GPC6: variants seen among roughly 807,000 people sequenced by gnomAD.
GPC6 encodes the protein glypican-6.
A neutral mutation model predicts 55.2 loss-of-function variants in GPC6; 14 were observed. That is an observed-to-expected ratio of 0.25 (90% confidence interval 0.17 to 0.40). The LOEUF is 0.40. GPC6 is among the 10% of genes least tolerant of loss of function. The probability of loss-of-function intolerance (pLI) is 1.00; values close to 1 mark genes in which losing one functional copy is unlikely to be tolerated. For synonymous variants in GPC6, 278 were observed against 259.6 expected, an observed-to-expected ratio of 1.07 and a Z score of -0.68; for missense variants, 641 against 708.5, an observed-to-expected ratio of 0.90 and a Z score of 1.08.
intron 1 of GPC6, among the ~76,000 whole-genome samples, chr13:93,278,364 A>G (rs1046245073): frequency 3.3e-4 from 51 of 152,328 alleles, no homozygotes; most frequent in African/African-American, 9.4e-4. Context: ...ATTGTTGTAC[A>G]GCTGACCTCC....
chr13:93,859,913 A>G (rs1375631979), intron 3 of GPC6, among the ~76,000 whole-genome samples: 1 of 151,678 alleles, frequency 6.6e-6, no homozygotes, highest in Non-Finnish European at 1.5e-5. Context: ...TCCCCTTAAC[A>G]TGGCCACAAG....
intron 1 of GPC6, among the ~76,000 whole-genome samples, chr13:93,383,154 C>T (rs1177619664): frequency 2.0e-5 from 3 of 152,182 alleles, no homozygotes; most frequent in Non-Finnish European, 4.4e-5. Context: ...GAAACAATAT[C>T]TCCAGTGCAT....
At chr13:93,314,089 G>T (rs1038722004) in intron 1 of GPC6, among the ~76,000 whole-genome samples, 1 of 152,126 alleles carries the variant, frequency 6.6e-6, no homozygotes, top group African/African-American at 2.4e-5. Flanking sequence ...TGGTTTTCCT[G>T]CCTCTAAGAT....
At chr13:93,324,306 T>A (rs1879563362) in intron 1 of GPC6, among the ~76,000 whole-genome samples, 1 of 151,810 alleles carries the variant, frequency 6.6e-6, no homozygotes, top group Non-Finnish European at 1.5e-5. Flanking sequence ...GGAATGGTAG[T>A]TTGCAGGGGG....
chr13:94,086,624 A>G (rs759358266), intron 4 of GPC6, among the ~76,000 whole-genome samples: 4 of 152,210 alleles, frequency 2.6e-5, no homozygotes, highest in Non-Finnish European at 5.9e-5. Context: ...CCACTTCCCA[A>G]CACAGCATTA....
At chr13:93,613,091 A>G (rs749003436) in intron 2 of GPC6, among the ~76,000 whole-genome samples, 2 of 152,174 alleles carry the variant, frequency 1.3e-5, no homozygotes, top group African/African-American at 4.8e-5. Flanking sequence ...ATGGCTTTCA[A>G]AGGAGCTGCC....
intron 1 of GPC6, among the ~76,000 whole-genome samples, chr13:93,398,071 A>G (rs779494425): frequency 2.6e-5 from 4 of 152,114 alleles, no homozygotes; most frequent in Non-Finnish European, 1.5e-5. Flanking sequence ...GCACTTTCAA[A>G]CTACATTTAG....
At chr13:93,715,697 G>A (rs932218747) in intron 2 of GPC6, among the ~76,000 whole-genome samples, 5 of 151,626 alleles carry the variant, frequency 3.3e-5, no homozygotes, top group African/African-American at 1.2e-4. Context: ...TAAGCTATGC[G>A]ATTATGAACC....
intron 2 of GPC6, among the ~76,000 whole-genome samples, chr13:93,582,240 T>C (rs1876973385): frequency 6.6e-6 from 1 of 152,124 alleles, no homozygotes; most frequent in Non-Finnish European, 1.5e-5. Context: ...CTTGATGCCA[T>C]GTTTGGTTAG....
In GPC6 at chr13:93,797,255, G is replaced by A. The variant is rs1003936048; in HGVS notation, c.320-32899G>A. The stretch of plus-strand genomic sequence containing the variant: ...TCCGGGTGATTAGATGTCACTGAAC[G>A]TTGTCACATTGTGTACCAAGGGTAA... On this transcript the variant is annotated intron_variant, in intron 2 of 8. Transcript: ENST00000377047. Among the ~76,000 whole-genome samples, 17 of 152,266 alleles carry A rather than the reference G, an allele frequency of 1.1e-4. No homozygotes were observed. In the East Asian group the frequency reaches 2.1e-3, roughly 19 times the overall value.
At chr13:93,390,286 G>T (rs1373249246) in intron 1 of GPC6, among the ~76,000 whole-genome samples, 1 of 152,126 alleles carries the variant, frequency 6.6e-6, no homozygotes, top group Admixed American at 6.6e-5. Context: ...GAGAAGGAAG[G>T]TCAAAGCACC....
chr13:94,181,295 T>C (rs1888984585), intron 4 of GPC6, among the ~76,000 whole-genome samples: 1 of 152,160 alleles, frequency 6.6e-6, no homozygotes, highest in Admixed American at 6.5e-5. Context: ...CCTACCAATA[T>C]TTGATGACAC....
chr13:94,181,695 T>C (rs1035937244), intron 4 of GPC6, among the ~76,000 whole-genome samples: 1 of 152,204 alleles, frequency 6.6e-6, no homozygotes, highest in Admixed American at 6.5e-5. Context: ...TTTGCAACTT[T>C]TAATTTCAGA....
At chr13:93,576,893 G>T (rs1436377837) in intron 2 of GPC6, among the ~76,000 whole-genome samples, 1 of 152,148 alleles carries the variant, frequency 6.6e-6, no homozygotes, top group Non-Finnish European at 1.5e-5. Context: ...AAGGACAAAA[G>T]ATTGCACTTA....
At chr13:94,397,500 C>T (rs913925858) in intron 7 of GPC6, among the ~76,000 whole-genome samples, 4 of 152,142 alleles carry the variant, frequency 2.6e-5, no homozygotes, top group Non-Finnish European at 4.4e-5. Context: ...TCTACCTAAT[C>T]GAACCCAAGA....
chr13:93,402,293 C>T (rs1239773091), intron 1 of GPC6, among the ~76,000 whole-genome samples: 2 of 152,042 alleles, frequency 1.3e-5, no homozygotes, highest in East Asian at 1.9e-4. Context: ...CTCCAAGTGC[C>T]GAGCCAACTT....
chr13:94,235,359 T>C (rs1890849629), intron 4 of GPC6, among the ~76,000 whole-genome samples: 1 of 152,204 alleles, frequency 6.6e-6, no homozygotes, highest in Admixed American at 6.5e-5. Flanking sequence ...TCCACAAGCA[T>C]TCTCCAAAAA....
chr13:93,330,809 A>G (rs1190916687), intron 1 of GPC6, among the ~76,000 whole-genome samples: 3 of 152,168 alleles, frequency 2.0e-5, no homozygotes, highest in Admixed American at 6.5e-5. Flanking sequence ...ACATATAGAT[A>G]TAATCTTTTA....
rs1231158589 is a variant in GPC6 at position 93,993,245 on chromosome 13, AT to A, written c.712-34478del. Among the ~76,000 whole-genome samples, 4 of 151,322 alleles carry A rather than the reference AT, an allele frequency of 2.6e-5. No homozygotes were observed. The East Asian group carries it at 7.8e-4, about 29-fold the overall frequency. On this transcript the variant is annotated intron_variant, in intron 3 of 8. Transcript: ENST00000377047. ...TGCATCCTATTCTTTTGTCGTATCTATTTTTTAAAGTAATTAAAAGCAATTC... is the reference window on the plus strand; with the variant it reads ...TGCATCCTATTCTTTTGTCGTATCTATTTTTAAAGTAATTAAAAGCAATTC...
Sources: gnomAD v4.1 joint callset for allele counts (sites outside exome capture counted in the v4.1 genomes callset) on GRCh38, gnomAD v4.1.1 for gene constraint, MANE v1.5 for transcripts, NCBI Gene and HGNC (gene_info 2026-07-23, HGNC 2026-07-21) for gene names.